The following SEM1 variants were observed in gnomAD, a reference collection of about 807,000 sequenced individuals.
The protein encoded by SEM1 is 26S proteasome complex subunit SEM1.
A neutral mutation model predicts 12.7 loss-of-function variants in SEM1; 3 were observed. The observed-to-expected ratio is 0.24, with a 90% CI of 0.11 to 0.61. The LOEUF (loss-of-function observed/expected upper bound fraction) is 0.61, where lower values mean the gene tolerates loss of function less well. Ranked by LOEUF, SEM1 falls within the 20% of genes least tolerant of loss-of-function variation. The pLI is 0.88. For missense variants in SEM1, 59 were observed against 81.3 expected (o/e 0.73, Z 1.06); for synonymous variants, 30 against 27.8 (o/e 1.08, Z -0.25).
chr7:96,483,569 A>AT (rs1044061229), exon 4 of SEM1: 16 of 408,626 alleles, frequency 3.9e-5, no homozygotes, highest in Non-Finnish European at 6.0e-5. Context: ...ACTGGGCTCT[A>AT]TTTTCACTCT....
downstream of SEM1, among the ~76,000 whole-genome samples, chr7:96,670,236 T>G (rs1465461836): frequency 6.6e-6 from 1 of 152,334 alleles, no homozygotes; most frequent in African/African-American, 2.4e-5. Context: ...TACTTTATTC[T>G]AACTCATTAA....
chr7:96,525,854 TAATGCCTGATGATCTGAGGTGGA>T, intron 2 of SEM1, among the ~76,000 whole-genome samples: 1 of 152,250 alleles, frequency 6.6e-6, no homozygotes, highest in African/African-American at 2.4e-5. Context: ...AGAATTTAAC[TAATGCCTGATGATCTGAGGTGGA>T]ACAGTTTCAT....
intron 1 of SEM1, among the ~76,000 whole-genome samples, chr7:96,704,187 G>A (rs1190330448): frequency 6.6e-6 from 1 of 151,892 alleles, no homozygotes; most frequent in African/African-American, 2.4e-5. Flanking sequence ...TATATCGTAT[G>A]TCTTCTGTGT....
At chr7:96,603,711 G>A (rs2116201926) in intron 2 of SEM1, among the ~76,000 whole-genome samples, 1 of 152,194 alleles carries the variant, frequency 6.6e-6, no homozygotes. Flanking sequence ...CAGTCACCAA[G>A]TGAAATCTCT....
chr7:96,634,479 A>G (rs531298433), intron 2 of SEM1, among the ~76,000 whole-genome samples: 3 of 151,752 alleles, frequency 2.0e-5, no homozygotes, highest in East Asian at 1.9e-4. Flanking sequence ...CACTGAGGAT[A>G]CAACAGTGAA....
chr7:96,485,542 T>TTG (rs1802717701), intron 2 of SEM1, among the ~76,000 whole-genome samples: 1 of 133,588 alleles, frequency 7.5e-6, no homozygotes, highest in African/African-American at 3.0e-5. Context: ...CATTCTTTTT[T>TTG]TTTTTTTTTT....
chr7:96,694,666 CTTACT>C, intron 2 of SEM1, 127 bp downstream of exon 2: 1 of 499,602 alleles, frequency 2.0e-6, no homozygotes, highest in South Asian at 4.5e-5. Context: ...GACAATATGT[CTTACT>C]TTACACAGTT....
At chr7:96,670,606 T>C (rs1789290275), downstream of SEM1, among the ~76,000 whole-genome samples, 1 of 152,214 alleles carries the variant, frequency 6.6e-6, no homozygotes, top group Non-Finnish European at 1.5e-5. Flanking sequence ...GTTAAACTTT[T>C]TGTATCCTCA....
chr7:96,591,582 G>A (rs1449426938), intron 2 of SEM1, among the ~76,000 whole-genome samples: 1 of 152,152 alleles, frequency 6.6e-6, no homozygotes, highest in East Asian at 1.9e-4. Context: ...TAAAACTGAT[G>A]ATTTCATCAG....
intron 2 of SEM1, among the ~76,000 whole-genome samples, chr7:96,525,355 A>C (rs1804418085): frequency 6.6e-6 from 1 of 151,416 alleles, no homozygotes; most frequent in Non-Finnish European, 1.5e-5. Context: ...TCTGTGTTTT[A>C]ACAAACCCTC....
intron 2 of SEM1, among the ~76,000 whole-genome samples, chr7:96,558,607 A>G (rs1352932532): frequency 1.3e-5 from 2 of 152,200 alleles, no homozygotes; most frequent in African/African-American, 4.8e-5. Context: ...AAGACAGAAA[A>G]GAAGCAAGGA....
At chr7:96,515,559 A>C (rs767271926) in intron 2 of SEM1, among the ~76,000 whole-genome samples, 1 of 152,194 alleles carries the variant, frequency 6.6e-6, no homozygotes, top group Non-Finnish European at 1.5e-5. Flanking sequence ...TCATGCTACT[A>C]TAAAGGCACA....
chr7:96,667,264 A>G (rs1315348993), intron 2 of SEM1, among the ~76,000 whole-genome samples: 1 of 152,148 alleles, frequency 6.6e-6, no homozygotes, highest in Non-Finnish European at 1.5e-5. Context: ...TCAAGACCAA[A>G]TTACAGCCTT....
At position 96,564,042 on chromosome 7, in the gene SEM1, A is replaced by G. The variant is rs182755812; in HGVS notation, c.171-57344T>C. 5.8e-4 allele frequency among the ~76,000 whole-genome samples: 88 copies of G among 152,242 alleles called. 1 individual carries two copies. Among genetic ancestry groups the G allele is most frequent in the Admixed American group, 5.8e-3 (88 of 15,276 alleles). ...TTTTCTAGTGTCTGAGACAGTATAT[A>G]TAAAATAGACATTATTTAAAATCAG... On this transcript the variant is annotated intron_variant and NMD_transcript_variant, in intron 2 of 3. Transcript: ENST00000466986.
intron 2 of SEM1, among the ~76,000 whole-genome samples, chr7:96,611,244 T>C (rs1202048486): frequency 3.3e-5 from 5 of 152,216 alleles, no homozygotes. Flanking sequence ...TCACGTGCTT[T>C]TCCCGCATGA....
chr7:96,625,049 A>G (rs1808016119), intron 2 of SEM1, among the ~76,000 whole-genome samples: 1 of 152,144 alleles, frequency 6.6e-6, no homozygotes, highest in Admixed American at 6.5e-5. Context: ...TGTTGCTTGA[A>G]AAACAACTCC....
chr7:96,586,273 A>G (rs1806631978), intron 2 of SEM1, among the ~76,000 whole-genome samples: 1 of 152,184 alleles, frequency 6.6e-6, no homozygotes, highest in African/African-American at 2.4e-5. Context: ...TTCCTACAGA[A>G]TTCCAGCTGC....
chr7:96,589,613 T>G (rs1026634070), intron 2 of SEM1, among the ~76,000 whole-genome samples: 12 of 152,258 alleles, frequency 7.9e-5, no homozygotes, highest in Middle Eastern at 3.4e-3. Context: ...CAACCTACAT[T>G]TATAATTTAT....
At chr7:96,525,629 T>TA (rs1361367094) in intron 2 of SEM1, among the ~76,000 whole-genome samples, 1 of 152,042 alleles carries the variant, frequency 6.6e-6, no homozygotes, top group African/African-American at 2.4e-5. Flanking sequence ...TTAGTAAAAT[T>TA]AAAAAGGTCT....
Sources: gnomAD v4.1 joint callset for allele counts (sites outside exome capture counted in the v4.1 genomes callset) on GRCh38, gnomAD v4.1.1 for gene constraint, MANE v1.5 for transcripts, NCBI Gene and HGNC (gene_info 2026-07-23, HGNC 2026-07-21) for gene names.